CA10: variants seen among roughly 807,000 people sequenced by gnomAD.
The protein encoded by CA10 is carbonic anhydrase 10 (inactive), also known as carbonic anhydrase-related protein 10.
A neutral mutation model predicts 44.2 loss-of-function variants in CA10; 14 were observed. The ratio of observed to expected loss-of-function variants is 0.32; its 90% CI spans 0.21 to 0.50. The LOEUF (loss-of-function observed/expected upper bound fraction) is 0.50. Among genes scored for constraint, CA10 ranks in the 20% least tolerant of loss-of-function variants. CA10 has a pLI of 0.99. For synonymous variants in CA10, 159 were observed against 141.6 expected (o/e 1.12, Z -0.87); for missense variants, 350 against 409.7 (o/e 0.85, Z 1.26).
At chr17:51,868,478 T>C (rs11655258) in intron 3 of CA10, among the ~76,000 whole-genome samples, 15,098 of 152,124 alleles carry the variant, frequency 0.099, 950 homozygotes, top group African/African-American at 0.18. Flanking sequence ...TGGTTAAGAT[T>C]ACAAGATTTA....
chr17:52,148,533 CT>C (rs1989637209), intron 1 of CA10, among the ~76,000 whole-genome samples: 1 of 152,210 alleles, frequency 6.6e-6, no homozygotes, highest in African/African-American at 2.4e-5. Context: ...TTCCCATTCT[CT>C]GTGACTCTGC....
At chr17:51,690,677 C>A (rs1915165639) in intron 4 of CA10, among the ~76,000 whole-genome samples, 1 of 152,182 alleles carries the variant, frequency 6.6e-6, no homozygotes, top group Admixed American at 6.5e-5. Flanking sequence ...CATGCCTTTG[C>A]TTCTCTTTCA....
intron 3 of CA10, among the ~76,000 whole-genome samples, chr17:51,776,138 T>C (rs1905809912): frequency 6.6e-6 from 1 of 152,160 alleles, no homozygotes; most frequent in African/African-American, 2.4e-5. Flanking sequence ...GGCAGGCAGA[T>C]CACCTGAGGT....
At chr17:52,088,911 A>AAAT (rs1988189495) in intron 1 of CA10, among the ~76,000 whole-genome samples, 1 of 152,228 alleles carries the variant, frequency 6.6e-6, no homozygotes, top group African/African-American at 2.4e-5. Flanking sequence ...CAAAAGTGAA[A>AAAT]AATACACTAT....
chr17:51,947,424 G>A (rs376432452), intron 2 of CA10, among the ~76,000 whole-genome samples: 8 of 151,376 alleles, frequency 5.3e-5, no homozygotes, highest in Non-Finnish European at 1.2e-4. Context: ...TGACCTTGCC[G>A]GTCTCTTTGC....
At chr17:51,788,898 G>C (rs913668304) in intron 3 of CA10, among the ~76,000 whole-genome samples, 1 of 152,196 alleles carries the variant, frequency 6.6e-6, no homozygotes, top group East Asian at 1.9e-4. Context: ...CCTCTAGATA[G>C]AATGTACACC....
At chr17:51,970,910 G>A (rs1432405204) in intron 2 of CA10, among the ~76,000 whole-genome samples, 1 of 152,070 alleles carries the variant, frequency 6.6e-6, no homozygotes, top group Non-Finnish European at 1.5e-5. Flanking sequence ...AGTAGAGAAA[G>A]TGGACAAGCA....
At chr17:51,761,850 T>A (rs189065107) in intron 3 of CA10, 1 of 152,288 alleles carries the variant, frequency 6.6e-6, no homozygotes, top group Non-Finnish European at 1.5e-5. Context: ...CTTCAGGCAC[T>A]TATTATTGGA....
chr17:51,668,591 T>A (rs568500341), intron 4 of CA10, among the ~76,000 whole-genome samples: 3 of 152,220 alleles, frequency 2.0e-5, no homozygotes, highest in Non-Finnish European at 4.4e-5. Flanking sequence ...CGGTGTACTG[T>A]CCTGATATTG....
chr17:51,871,171 G>C (rs914430654), intron 3 of CA10, among the ~76,000 whole-genome samples: 1 of 144,182 alleles, frequency 6.9e-6, no homozygotes, highest in Non-Finnish European at 1.5e-5. Flanking sequence ...CAATTCTCCT[G>C]TCTCAGCCTC....
At chr17:52,028,287 C>G (rs1986360570) in intron 2 of CA10, among the ~76,000 whole-genome samples, 1 of 152,162 alleles carries the variant, frequency 6.6e-6, no homozygotes. Flanking sequence ...AATAGTGAAA[C>G]TGACTACAAG....
intron 2 of CA10, among the ~76,000 whole-genome samples, chr17:52,035,187 C>A (rs533797606): frequency 1.3e-5 from 2 of 152,254 alleles, no homozygotes; most frequent in East Asian, 3.9e-4. Context: ...CCCCACCATG[C>A]CTCATCCTGT....
intron 1 of CA10, among the ~76,000 whole-genome samples, chr17:52,117,054 T>A (rs1988912922): frequency 6.6e-6 from 1 of 152,232 alleles, no homozygotes; most frequent in Admixed American, 6.5e-5. Context: ...TAAAGAGAGC[T>A]CAGCTTAATT....
chr17:52,117,754 G>A (rs561208109), intron 1 of CA10, among the ~76,000 whole-genome samples: 2 of 152,278 alleles, frequency 1.3e-5, no homozygotes, highest in Admixed American at 1.3e-4. Flanking sequence ...TACATACAAG[G>A]TGTGTAAGAA....
intron 3 of CA10, among the ~76,000 whole-genome samples, chr17:51,831,678 G>GCAGCAGCAGCAGCAGCAGCATCAGCAC (rs1555604036): frequency 5.1e-4 from 25 of 49,086 alleles, no homozygotes; most frequent in African/African-American, 1.7e-3. Context: ...AGCAGCAGCA[G>GCAGCAGCAGCAGCAGCAGCATCAGCAC]CAGCAGCAGC....
chr17:51,765,749 A>G (rs962784608), intron 3 of CA10, among the ~76,000 whole-genome samples: 11 of 131,490 alleles, frequency 8.4e-5, no homozygotes, highest in African/African-American at 2.6e-4. Context: ...GCATGTGTTT[A>G]GGGGGGGTTG....
chr17:51,856,790 C>T (rs902830872), intron 3 of CA10, among the ~76,000 whole-genome samples: 1 of 152,108 alleles, frequency 6.6e-6, no homozygotes, highest in East Asian at 1.9e-4. Flanking sequence ...CAAGTTGAAT[C>T]AGGGGGCTTA....
intron 2 of CA10, among the ~76,000 whole-genome samples, chr17:52,042,582 G>T (rs976396772): frequency 1.3e-5 from 2 of 150,628 alleles, no homozygotes; most frequent in African/African-American, 4.9e-5. Flanking sequence ...TTTCTTTGTT[G>T]TTCAGAAGAT....
At chr17:52,104,637 TCTC>T (rs1353476206) in intron 1 of CA10, among the ~76,000 whole-genome samples, 1 of 152,076 alleles carries the variant, frequency 6.6e-6, no homozygotes, top group East Asian at 1.9e-4. Flanking sequence ...CTTACCTCCT[TCTC>T]CTCCTCTCTT....
Sources: gnomAD v4.1 joint callset for allele counts (sites outside exome capture counted in the v4.1 genomes callset) on GRCh38, gnomAD v4.1.1 for gene constraint, MANE v1.5 for transcripts, NCBI Gene and HGNC (gene_info 2026-07-23, HGNC 2026-07-21) for gene names.